Variants in SMAD2 observed in about 807,000 individuals in gnomAD.
SMAD2 encodes SMAD family member 2, also known as MAD homolog 2.
Under a neutral mutation model 64.4 loss-of-function variants are expected in SMAD2, and 8 were observed. That is an observed-to-expected ratio of 0.12 (90% CI 0.07 to 0.22). The LOEUF (loss-of-function observed/expected upper bound fraction) is 0.22, where lower values mean the gene tolerates loss of function less well. Among genes scored for constraint, SMAD2 ranks in the 10% least tolerant of loss-of-function variants. The pLI, the probability that SMAD2 is intolerant of heterozygous loss-of-function variation, is 1.00. For synonymous variants in SMAD2, 203 were observed against 195.8 expected (o/e 1.04, Z -0.31); for missense variants, 289 against 561.2 (o/e 0.51, Z 4.90).
At chr18:47,876,810 G>A (rs376536993) in intron 2 of SMAD2, among the ~76,000 whole-genome samples, 4 of 151,938 alleles carry the variant, frequency 2.6e-5, no homozygotes, top group South Asian at 2.1e-4. Context: ...GTATACACTC[G>A]CCTACATATA....
intron 2 of SMAD2, among the ~76,000 whole-genome samples, chr18:47,881,853 T>C (rs533530619): frequency 1.2e-4 from 19 of 152,212 alleles, no homozygotes; most frequent in African/African-American, 4.1e-4. Context: ...CCTTGGTTAA[T>C]GCAGTAAATT....
rs1484030696 is a variant in SMAD2, at chr18:47,831,584, AT to A, written c.*10242del. Reference sequence around the variant, plus strand: ...TCAAATTCCATTTATTCTATAACCAATAAAGTCATGCAGTTTGGACGGGAGC... The same window carrying A: ...TCAAATTCCATTTATTCTATAACCAAAAAGTCATGCAGTTTGGACGGGAGC... On this transcript the variant is annotated 3_prime_UTR_variant, in exon 11 of 11. Transcript: ENST00000262160. 1 of 152,250 alleles carries A rather than the reference AT, an allele frequency of 6.6e-6. No individual in the cohort carries two copies. Among genetic ancestry groups the A allele is most frequent in the Non-Finnish European group, 1.5e-5 (1 of 68,034 alleles). The allele number at this position is 152,250 out of a possible 1,614,324, so 9.4% of individuals were successfully genotyped here. A position where few individuals can be genotyped will look rare whatever the true frequency, so the allele number is the denominator to read the frequency against.
chr18:47,841,817 T>C lies in SMAD2; in HGVS notation c.*10A>G, dbSNP rs1164249046. 1.2e-6 allele frequency: 2 copies of C among 1,614,128 alleles called. No homozygotes were observed. The highest frequency in any genetic ancestry group is 1.7e-5 in the Admixed American group (1 of 60,026). On this transcript the variant is annotated 3_prime_UTR_variant, in exon 11 of 11. Coordinates refer to ENST00000262160, the MANE Select transcript of SMAD2 (RefSeq NM_005901.6). ...ATTAAGTCTTTTCATGGGACTTGAT[T>C]GGTGAAGCTTTATGACATGCTTGAG...
Position 47,824,562 on chromosome 18 carries a change from T to C in SMAD2, c.*17265A>G, listed in dbSNP as rs972236172. The C allele has an allele frequency of 1.3e-5, 2 of 152,234 alleles. No individual in the cohort carries two copies. Among genetic ancestry groups the C allele is most frequent in the Non-Finnish European group, 2.9e-5 (2 of 68,044 alleles). 9.4% of individuals were successfully genotyped at this position (152,234 alleles called of 1,614,324 possible). A position where few individuals can be genotyped will look rare whatever the true frequency, so the allele number is the denominator to read the frequency against. On this transcript the variant is annotated 3_prime_UTR_variant, in exon 11 of 11. Transcript: ENST00000262160. ...ACAATGCCCTATTCCCAAATAAACA[T>C]CATTTTCTTTTAGAAAGCCTCTGTT...
Position 47,840,692 on chromosome 18 carries a change from T to C in SMAD2, c.*1135A>G, listed in dbSNP as rs904219990. 1 of 231,308 alleles carries C rather than the reference T, an allele frequency of 4.3e-6. No homozygotes were observed. Among genetic ancestry groups the C allele is most frequent in the African/African-American group, 2.2e-5 (1 of 45,250 alleles). The allele number at this position is 231,308 out of a possible 1,614,324, so 14.3% of individuals were successfully genotyped here. On this transcript the variant is annotated 3_prime_UTR_variant, in exon 11 of 11. Transcript: ENST00000262160. ...AACAATTACATTTACAAAAGGCCCA[T>C]TTCATAATGCAATCTGGTTACTAAA...
chr18:47,848,319 A>C (rs929808813), intron 8 of SMAD2, among the ~76,000 whole-genome samples, 156 bp downstream of exon 8: 7 of 152,208 alleles, frequency 4.6e-5, no homozygotes, highest in Non-Finnish European at 8.8e-5. Context: ...ATCTATTAGA[A>C]GCAGTGAAGC....
intron 5 of SMAD2, among the ~76,000 whole-genome samples, chr18:47,867,985 C>T (rs879419886): frequency 1.4e-4 from 21 of 152,248 alleles, no homozygotes; most frequent in Non-Finnish European, 2.1e-4. Context: ...GGGTACTTTT[C>T]TCCTACACCA....
rs901364331 is a variant in SMAD2, at chr18:47,859,290, A to T, written c.730+5769T>A. Reference sequence around the variant, plus strand: ...ATAACTGACAAAATAAGGAGATTTTAAAAAATCATAAAGAATTAAGAAGAT... The same window carrying T: ...ATAACTGACAAAATAAGGAGATTTTTAAAAATCATAAAGAATTAAGAAGAT... On this transcript the variant is annotated intron_variant, in intron 6 of 10. Transcript: ENST00000262160. Among the ~76,000 whole-genome samples the T allele has an allele frequency of 5.3e-5, 8 of 152,166 alleles. No homozygotes were observed. The East Asian group carries it at 1.3e-3, about 26-fold the overall frequency.
chr18:47,867,911 A>T (rs2031684043), intron 5 of SMAD2, among the ~76,000 whole-genome samples: 2 of 152,202 alleles, frequency 1.3e-5, no homozygotes, highest in Non-Finnish European at 2.9e-5. Context: ...ATTTCTGTTA[A>T]ATATTACCAA....
chr18:47,918,132 A>G (rs2144533386), intron 1 of SMAD2, among the ~76,000 whole-genome samples: 1 of 152,350 alleles, frequency 6.6e-6, no homozygotes, highest in Admixed American at 6.5e-5. Flanking sequence ...AAAGGAATTC[A>G]GTTCTTAGAT....
intron 1 of SMAD2, among the ~76,000 whole-genome samples, chr18:47,905,890 C>A (rs924631178): frequency 1.3e-5 from 2 of 152,014 alleles, no homozygotes; most frequent in African/African-American, 2.4e-5. Flanking sequence ...AATAGGAGGA[C>A]TGCTTGAGCT....
chr18:47,849,371 A>G lies in SMAD2; in HGVS notation c.785-684T>C, dbSNP rs530314350. Among the ~76,000 whole-genome samples the G allele has an allele frequency of 1.3e-4, 20 of 152,224 alleles. 1 individual carries two copies. In the South Asian group the frequency reaches 3.9e-3, roughly 30 times the overall value. ...AAAACATATCATAAGGAATACTGCA[A>G]AAGAAAAAAACCTCACAATTTTGTA... On this transcript the variant is annotated intron_variant, in intron 7 of 10. Coordinates refer to ENST00000262160, the MANE Select transcript of SMAD2 (RefSeq NM_005901.6).
At chr18:47,858,439 T>C (rs909076675) in intron 6 of SMAD2, among the ~76,000 whole-genome samples, 30 of 152,152 alleles carry the variant, frequency 2.0e-4, no homozygotes, top group Admixed American at 8.5e-4. Context: ...GAAATGTCTG[T>C]AGTAAAGGAA....
At chr18:47,919,654 C>A (rs971864013) in intron 1 of SMAD2, among the ~76,000 whole-genome samples, 1 of 152,060 alleles carries the variant, frequency 6.6e-6, no homozygotes, top group Non-Finnish European at 1.5e-5. Context: ...CTAAAAAAGA[C>A]GAAGCCAAAA....
chr18:47,912,105 G>A (rs986461168), intron 1 of SMAD2: 9 of 152,230 alleles, frequency 5.9e-5, no homozygotes, highest in Non-Finnish European at 1.3e-4. Context: ...ACAGCAGGCA[G>A]AAAGTTCAGC....
At chr18:47,903,902 C>A (rs2033798290) in intron 1 of SMAD2, among the ~76,000 whole-genome samples, 1 of 139,054 alleles carries the variant, frequency 7.2e-6, no homozygotes, top group Admixed American at 7.3e-5. Context: ...TCAGAATATC[C>A]AAAACCAAAT....
In SMAD2 at chr18:47,917,350, CTA is replaced by C. The variant is rs1229646201; in HGVS notation, c.-54+13009_-54+13010del. Among the ~76,000 whole-genome samples the C allele has an allele frequency of 5.3e-5, 8 of 152,260 alleles. No individual in the cohort carries two copies. In the East Asian group the frequency reaches 1.5e-3, roughly 29 times the overall value. ...TCTTTTCCATTCCTTTGCTTTTAAA[CTA>C]TGTCATCATACTTTTAGGAGTATCT... On this transcript the variant is annotated intron_variant, in intron 1 of 10. Transcript: ENST00000262160.
chr18:47,843,066 G>GT (rs1914126962), intron 10 of SMAD2, among the ~76,000 whole-genome samples: 4 of 152,248 alleles, frequency 2.6e-5, no homozygotes, highest in South Asian at 4.1e-4. Flanking sequence ...GAGGCAGATG[G>GT]TATCAGTGCC....
chr18:47,839,046 G>A lies in SMAD2; in HGVS notation c.*2781C>T, dbSNP rs1913696164. 8.6e-6 allele frequency: 2 copies of A among 233,052 alleles called. No individual in the cohort carries two copies. The highest frequency in any genetic ancestry group is 5.6e-5 in the Admixed American group (1 of 17,780). 14.4% of individuals were successfully genotyped at this position (233,052 alleles called of 1,614,324 possible). ...AAAACAAAAAAAAAATCAGGCCACA[G>A]TAGATAAAATACAAAAAACATCATC... On this transcript the variant is annotated 3_prime_UTR_variant, in exon 11 of 11. Coordinates refer to ENST00000262160, the MANE Select transcript of SMAD2 (RefSeq NM_005901.6).
Sources: gnomAD v4.1 joint callset for allele counts (sites outside exome capture counted in the v4.1 genomes callset) on GRCh38, gnomAD v4.1.1 for gene constraint, MANE v1.5 for transcripts, NCBI Gene and HGNC (gene_info 2026-07-23, HGNC 2026-07-21) for gene names.